Variants in RFX3 observed in about 807,000 individuals in gnomAD.
The protein encoded by RFX3 is transcription factor RFX3.
Under a neutral mutation model 98.6 loss-of-function variants are expected in RFX3, and 14 were observed. The ratio of observed to expected loss-of-function variants is 0.14; its 90% CI spans 0.09 to 0.22. The LOEUF is 0.22. RFX3 is among the 10% of genes least tolerant of loss of function. The pLI is 1.00. For synonymous variants in RFX3, 383 were observed against 328.4 expected (o/e 1.17, Z -1.80); for missense variants, 639 against 926.9 (o/e 0.69, Z 4.03).
intron 15 of RFX3, among the ~76,000 whole-genome samples, chr9:3,234,252 C>G (rs551718823): frequency 1.3e-5 from 2 of 152,320 alleles, no homozygotes; most frequent in Non-Finnish European, 2.9e-5. Flanking sequence ...TCCATTAGGA[C>G]TCTGTCACAG....
chr9:3,293,296 A>G (rs1827608831), intron 5 of RFX3, 38 bp from the exon 6 acceptor site: 1 of 1,504,060 alleles, frequency 6.6e-7, no homozygotes, highest in East Asian at 2.4e-5. Context: ...GACAAATCAC[A>G]TAATTTGCCA....
At chr9:3,471,398 TCAAA>T (rs2133222618) in intron 1 of RFX3, among the ~76,000 whole-genome samples, 1 of 152,344 alleles carries the variant, frequency 6.6e-6, no homozygotes, top group South Asian at 2.1e-4. Flanking sequence ...AAGCCAAGTC[TCAAA>T]CAGAGGTCTC....
rs1042194068 is a variant in RFX3, at chr9:3,377,730, C to T, written c.117+17742G>A. ...GATGGGAGAGGAAAGGTACTAATAACAAAGAAGAGGGAAGTATTTGGGGTA... is the reference window on the plus strand; with the variant it reads ...GATGGGAGAGGAAAGGTACTAATAATAAAGAAGAGGGAAGTATTTGGGGTA... On this transcript the variant is annotated intron_variant, in intron 2 of 16. Coordinates refer to ENST00000617270, the MANE Select transcript of RFX3 (RefSeq NM_001282116.2). Among the ~76,000 whole-genome samples, 22 of 152,006 alleles carry T rather than the reference C, an allele frequency of 1.4e-4. 1 individual carries two copies. Among genetic ancestry groups the T allele is most frequent in the Admixed American group, 5.2e-4 (8 of 15,262 alleles).
chr9:3,467,500 C>T (rs1029306421), intron 1 of RFX3, among the ~76,000 whole-genome samples: 2 of 151,850 alleles, frequency 1.3e-5, no homozygotes, highest in African/African-American at 4.8e-5. Flanking sequence ...TTCCCTCTTA[C>T]ATGAAAATTA....
chr9:3,271,993 T>C (rs1474323063), intron 9 of RFX3, among the ~76,000 whole-genome samples: 1 of 152,148 alleles, frequency 6.6e-6, no homozygotes, highest in Non-Finnish European at 1.5e-5. Flanking sequence ...CTCTTTCTCC[T>C]TTTTTATCTC....
chr9:3,521,687 T>C (rs921057401), intron 1 of RFX3, among the ~76,000 whole-genome samples: 6 of 152,194 alleles, frequency 3.9e-5, no homozygotes, highest in African/African-American at 1.2e-4. Flanking sequence ...ATAAACTTTA[T>C]AGCAGTAAAT....
chr9:3,409,102 G>A (rs570870878), intron 1 of RFX3, among the ~76,000 whole-genome samples: 3 of 152,316 alleles, frequency 2.0e-5, no homozygotes, highest in Admixed American at 1.3e-4. Flanking sequence ...ATCCAGCACT[G>A]TGGCCTACCC....
At chr9:3,248,008 C>T (rs780128280) in intron 15 of RFX3, 24 bp downstream of exon 15, 1 of 1,614,026 alleles carries the variant, frequency 6.2e-7, no homozygotes, top group Admixed American at 1.7e-5. Flanking sequence ...CCCAGTGGGT[C>T]ACAGCTCTTT....
Position 3,224,836 on chromosome 9 carries a change from CATT to C in RFX3, c.*203_*205del. 1 of 456,086 alleles carries C rather than the reference CATT, an allele frequency of 2.2e-6. No individual in the cohort carries two copies. The highest frequency in any genetic ancestry group is 3.8e-6 in the Non-Finnish European group (1 of 261,868). 28.3% of individuals were successfully genotyped at this position (456,086 alleles called of 1,614,324 possible). A position where few individuals can be genotyped will look rare whatever the true frequency, so the allele number is the denominator to read the frequency against. Reference sequence around the variant, plus strand: ...ACACCTGAAACTAAGGGAAAAAATTCATTATTAAGAAGCAAATAATTTGTTTAC... The same window carrying C: ...ACACCTGAAACTAAGGGAAAAAATTCATTAAGAAGCAAATAATTTGTTTAC... On this transcript the variant is annotated 3_prime_UTR_variant, in exon 17 of 17. Transcript: ENST00000617270.
chr9:3,270,122 G>GA (rs1824225629), intron 11 of RFX3, among the ~76,000 whole-genome samples: 1 of 53,398 alleles, frequency 1.9e-5, no homozygotes. Context: ...AAGAAAGAAA[G>GA]AAAGGAAAGA....
rs527427703 is a variant in RFX3, at chr9:3,450,102, A to G, written c.-8-54506T>C. Among the ~76,000 whole-genome samples the G allele has an allele frequency of 3.0e-3, 464 of 152,348 alleles. 2 individuals are homozygous for G. Among genetic ancestry groups the G allele is most frequent in the South Asian group, 0.011 (53 of 4,834 alleles). On this transcript the variant is annotated intron_variant, in intron 1 of 16. Transcript: ENST00000617270. ...TTTATTGAAATGGTAGATGCTAAAG[A>G]GAGTATTTGCCTGGCAAGGCAGAGA...
intron 1 of RFX3, among the ~76,000 whole-genome samples, chr9:3,501,554 C>CTTTT (rs1051300818): frequency 6.9e-4 from 85 of 122,564 alleles, no homozygotes; most frequent in Non-Finnish European, 9.8e-4. Context: ...TTTTTTCCTT[C>CTTTT]TTTTTTTTTT....
chr9:3,445,513 C>A (rs1845970410), intron 1 of RFX3, among the ~76,000 whole-genome samples: 1 of 152,104 alleles, frequency 6.6e-6, no homozygotes, highest in African/African-American at 2.4e-5. Flanking sequence ...GCTTCATAAT[C>A]CAATCTTACA....
intron 1 of RFX3, among the ~76,000 whole-genome samples, chr9:3,397,210 C>T (rs1361472922): frequency 1.3e-5 from 2 of 152,188 alleles, no homozygotes; most frequent in Admixed American, 1.3e-4. Flanking sequence ...GCCTTGACAT[C>T]CCCTTTTACT....
chr9:3,414,482 C>CAT (rs560058763), intron 1 of RFX3, among the ~76,000 whole-genome samples: 1 of 150,500 alleles, frequency 6.6e-6, no homozygotes, highest in Non-Finnish European at 1.5e-5. Context: ...ATACCACTAA[C>CAT]ATATATATAT....
intron 2 of RFX3, among the ~76,000 whole-genome samples, chr9:3,371,458 C>G (rs1195707491): frequency 6.6e-6 from 1 of 152,054 alleles, no homozygotes; most frequent in Non-Finnish European, 1.5e-5. Context: ...TATAGATATG[C>G]TATGACTTTG....
At chr9:3,366,344 T>A (rs958269087) in intron 2 of RFX3, among the ~76,000 whole-genome samples, 9 of 152,210 alleles carry the variant, frequency 5.9e-5, no homozygotes, top group African/African-American at 1.2e-4. Context: ...ACAATACATC[T>A]TTGGAGCTGT....
At chr9:3,283,890 G>C (rs1826243328) in intron 7 of RFX3, among the ~76,000 whole-genome samples, 1 of 151,640 alleles carries the variant, frequency 6.6e-6, no homozygotes, top group Non-Finnish European at 1.5e-5. Context: ...TTACCTCTTT[G>C]AGGGTGGAAT....
chr9:3,487,763 G>A (rs1850396340), intron 1 of RFX3, among the ~76,000 whole-genome samples: 2 of 152,112 alleles, frequency 1.3e-5, no homozygotes, highest in South Asian at 4.2e-4. Context: ...CCCTCCAAAG[G>A]TGTCCCCTGA....
Sources: gnomAD v4.1 joint callset for allele counts (sites outside exome capture counted in the v4.1 genomes callset) on GRCh38, gnomAD v4.1.1 for gene constraint, MANE v1.5 for transcripts, NCBI Gene and HGNC (gene_info 2026-07-23, HGNC 2026-07-21) for gene names.